POLN: variants seen among roughly 807,000 people sequenced by gnomAD.
POLN encodes the protein DNA polymerase N.
Under a neutral mutation model 113.5 loss-of-function variants are expected in POLN, and 108 were observed. The observed-to-expected ratio is 0.95, with a 90% CI of 0.81 to 1.12. The LOEUF is 1.12. POLN is among the 50% of genes most tolerant of loss of function. The probability of loss-of-function intolerance (pLI) is 0.00; values close to 1 mark genes in which losing one functional copy is unlikely to be tolerated. For missense variants in POLN, 1,097 were observed against 1,077.1 expected (o/e 1.02, Z -0.26); for synonymous variants, 386 against 391.5 (o/e 0.99, Z 0.17).
In POLN at chr4:2,081,216, C is replaced by A. The variant is rs541001197; in HGVS notation, c.2309-180G>T. On this transcript the variant is annotated intron_variant, in intron 22 of 25. Transcript: ENST00000511885. The stretch of plus-strand genomic sequence containing the variant: ...GACACTTCGTCCTTGCTCCTCCCGC[C>A]CTCTTGCTCCTGCAGGGCACCTGGG... 6.5e-6 allele frequency: 10 copies of A among 1,548,876 alleles called. No homozygotes were observed. In the African/African-American group the frequency reaches 1.4e-4, roughly 21 times the overall value.
intron 2 of POLN, among the ~76,000 whole-genome samples, chr4:2,238,438 T>TA (rs1231630790): frequency 3.9e-4 from 48 of 121,742 alleles, no homozygotes; most frequent in African/African-American, 1.4e-3. Context: ...GCAAAAAAAC[T>TA]AAAAATGAAA....
intron 6 of POLN, among the ~76,000 whole-genome samples, chr4:2,196,459 G>C (rs1212702541): frequency 6.6e-6 from 1 of 152,160 alleles, no homozygotes; most frequent in Non-Finnish European, 1.5e-5. Context: ...CCTCCTCCAA[G>C]ATAGGGAGAG....
At chr4:2,162,747 A>G (rs999254939) in intron 13 of POLN, among the ~76,000 whole-genome samples, 1 of 150,612 alleles carries the variant, frequency 6.6e-6, no homozygotes, top group Non-Finnish European at 1.5e-5. Flanking sequence ...ATGAGCCACC[A>G]TGCCCGGCCC....
chr4:2,087,582 CT>C (rs1341297037), intron 20 of POLN, among the ~76,000 whole-genome samples: 1 of 152,090 alleles, frequency 6.6e-6, no homozygotes, highest in African/African-American at 2.4e-5. Flanking sequence ...TTGAAGTTTT[CT>C]TTTTTTCATT....
intron 23 of POLN, chr4:2,080,675 G>A (rs1428484909): frequency 3.0e-6 from 4 of 1,334,890 alleles, no homozygotes; most frequent in East Asian, 3.2e-5. Flanking sequence ...GCCTCAAGGG[G>A]TGCCCCTGTG....
At chr4:2,199,121 T>G (rs572287272) in intron 5 of POLN, among the ~76,000 whole-genome samples, 60 of 152,236 alleles carry the variant, frequency 3.9e-4, no homozygotes, top group Admixed American at 1.0e-3. Context: ...GCACAGAAAT[T>G]TAATATATTT....
chr4:2,097,402 G>A (rs1055223376), intron 19 of POLN, among the ~76,000 whole-genome samples: 1 of 149,982 alleles, frequency 6.7e-6, no homozygotes, highest in African/African-American at 2.5e-5. Flanking sequence ...CCAGGCTGGA[G>A]GGCAGTGGTG....
intron 20 of POLN, among the ~76,000 whole-genome samples, chr4:2,091,794 T>TGCGC (rs1379478976): frequency 1.2e-4 from 16 of 130,792 alleles, no homozygotes; most frequent in East Asian, 2.3e-4. Context: ...TGTGTGTGTG[T>TGCGC]GTGTGTGCGC....
rs1278896708 is a variant in POLN, at chr4:2,072,374, G to A, written c.2518-75C>T. 4.6e-6 allele frequency: 6 copies of A among 1,310,474 alleles called. No individual in the cohort carries two copies. The African/African-American group carries it at 9.0e-5, about 20-fold the overall frequency. 81.2% of individuals were successfully genotyped at this position (1,310,474 alleles called of 1,614,324 possible). ...AGCCACCTCCCAGACCCCAAGCAGG[G>A]GGACAGGGCCTACAGCACACAGGTG... On this transcript the variant is annotated intron_variant, in intron 25 of 25. Transcript: ENST00000511885.
At chr4:2,238,354 C>T (rs1734840547) in intron 2 of POLN, among the ~76,000 whole-genome samples, 1 of 151,642 alleles carries the variant, frequency 6.6e-6, no homozygotes, top group African/African-American at 2.4e-5. Context: ...GGGAATAAAC[C>T]CATTCATTCC....
intron 13 of POLN, among the ~76,000 whole-genome samples, chr4:2,161,531 G>A (rs1458391117): frequency 6.6e-6 from 1 of 152,200 alleles, no homozygotes; most frequent in Non-Finnish European, 1.5e-5. Context: ...CCTGCAACCC[G>A]CCATGCCTTA....
At chr4:2,233,040 G>A (rs566013144) in intron 2 of POLN, among the ~76,000 whole-genome samples, 1 of 152,176 alleles carries the variant, frequency 6.6e-6, no homozygotes, top group South Asian at 2.1e-4. Flanking sequence ...GTTTTGATAC[G>A]CTCCCTGATG....
intron 22 of POLN, 152 bp from the exon 23 acceptor site, chr4:2,081,188 G>A: frequency 6.3e-7 from 1 of 1,588,188 alleles, no homozygotes; most frequent in Non-Finnish European, 8.5e-7. Flanking sequence ...ATGACTGCAG[G>A]CAGACACTTC....
chr4:2,176,172 C>T (rs939453862), intron 9 of POLN, 94 bp downstream of exon 9: 2 of 977,554 alleles, frequency 2.0e-6, no homozygotes, highest in Non-Finnish European at 3.2e-6. Context: ...CGTTTCGTTT[C>T]CTTCACATTC....
At chr4:2,213,026 C>T (rs2108766348) in intron 4 of POLN, 21 bp downstream of exon 4, 1 of 1,538,662 alleles carries the variant, frequency 6.5e-7, no homozygotes, top group South Asian at 1.2e-5. Context: ...TTTAAAATTA[C>T]TCATATGTGC....
intron 23 of POLN, among the ~76,000 whole-genome samples, chr4:2,077,956 G>A (rs1295133650): frequency 6.6e-6 from 1 of 152,210 alleles, no homozygotes; most frequent in Non-Finnish European, 1.5e-5. Context: ...CCTGAGAGGG[G>A]TCGGCCACAG....
At chr4:2,224,080 T>C (rs550155159) in intron 3 of POLN, among the ~76,000 whole-genome samples, 6 of 152,360 alleles carry the variant, frequency 3.9e-5, no homozygotes, top group Admixed American at 1.3e-4. Flanking sequence ...CAAAAACACA[T>C]TGTACAGCTG....
chr4:2,081,864 C>A (rs1281091329), intron 21 of POLN, 121 bp from the exon 22 acceptor site: 2 of 773,912 alleles, frequency 2.6e-6, no homozygotes, highest in Non-Finnish European at 4.3e-6. Context: ...AGACTCCAAG[C>A]CTCCCCTGGG....
intron 23 of POLN, chr4:2,080,153 C>T: frequency 1.0e-6 from 1 of 986,032 alleles, no homozygotes; most frequent in South Asian, 4.7e-5. Context: ...CTCCGGGACT[C>T]CTGAGGGGAT....
Sources: allele counts gnomAD v4.1 joint callset (sites outside exome capture counted in the v4.1 genomes callset), GRCh38; gene constraint gnomAD v4.1.1; transcripts MANE v1.5; gene names NCBI Gene and HGNC (gene_info 2026-07-23, HGNC 2026-07-21).